The following PCDHA6 variants were observed in gnomAD, a reference collection of about 807,000 sequenced individuals.
The protein encoded by PCDHA6 is protocadherin alpha-6.
In PCDHA6, 55 loss-of-function variants were observed where a neutral mutation model predicts 60.3. The observed-to-expected ratio is 0.91, with a 90% CI of 0.73 to 1.14. The LOEUF is 1.14. Among genes scored for constraint, PCDHA6 ranks in the 50% most tolerant of loss-of-function variants. PCDHA6 has a pLI of 0.00. For missense variants in PCDHA6, 1,327 were observed against 1,256.5 expected (o/e 1.06, Z -0.85); for synonymous variants, 652 against 557.9 (o/e 1.17, Z -2.38).
chr5:141,010,202 G>A lies in PCDHA6; in HGVS notation c.*265G>A, dbSNP rs1354578914. The A allele has an allele frequency of 2.5e-5, 39 of 1,551,826 alleles. No homozygotes were observed. The highest frequency in any genetic ancestry group is 3.1e-5 in the Non-Finnish European group (36 of 1,147,058). On this transcript the variant is annotated 3_prime_UTR_variant, in exon 4 of 4. Transcript: ENST00000529310. ...CAGACCCAAGTTTCCTTTCTCCTCCGCCGCAAAGGAGAGGCTTCCCAGCCC... is the reference window on the plus strand; with the variant it reads ...CAGACCCAAGTTTCCTTTCTCCTCCACCGCAAAGGAGAGGCTTCCCAGCCC...
intron 1 of PCDHA6, among the ~76,000 whole-genome samples, chr5:140,896,034 C>T (rs2065325543): frequency 6.6e-6 from 1 of 152,192 alleles, no homozygotes; most frequent in South Asian, 2.1e-4. Flanking sequence ...TGGTCTCGAA[C>T]TCCTGACCTC....
intron 1 of PCDHA6, chr5:140,855,842 A>G (rs1384044109): frequency 2.0e-5 from 13 of 639,106 alleles, no homozygotes; most frequent in Non-Finnish European, 3.4e-5. Flanking sequence ...ACTTACACCT[A>G]AAGCCACCGG....
intron 1 of PCDHA6, among the ~76,000 whole-genome samples, chr5:140,909,844 C>T (rs572833280): frequency 7.9e-5 from 12 of 152,276 alleles, no homozygotes; most frequent in African/African-American, 2.4e-4. Context: ...ACCACCAGGA[C>T]GTTTTCGGTC....
chr5:140,899,102 G>A (rs1156372420), intron 1 of PCDHA6, among the ~76,000 whole-genome samples: 1 of 152,066 alleles, frequency 6.6e-6, no homozygotes, highest in Non-Finnish European at 1.5e-5. Flanking sequence ...TGAGATAATG[G>A]GGTTTTCTAG....
chr5:140,900,127 T>A (rs528737566), intron 1 of PCDHA6, among the ~76,000 whole-genome samples: 2 of 152,328 alleles, frequency 1.3e-5, no homozygotes, highest in East Asian at 3.9e-4. Flanking sequence ...GATTTTTAGG[T>A]ACCACAAATA....
chr5:140,883,294 T>A (rs782475623), intron 1 of PCDHA6: 6 of 1,613,956 alleles, frequency 3.7e-6, no homozygotes, highest in Non-Finnish European at 4.2e-6. Context: ...AAGTACTAGA[T>A]GTAAATGATA....
chr5:140,875,981 A>G lies in PCDHA6; in HGVS notation c.2394+45496A>G, dbSNP rs200521027. 1.0e-3 allele frequency: 1,684 copies of G among 1,614,052 alleles called. 3 individuals are homozygous for G. Among genetic ancestry groups the G allele is most frequent in the Admixed American group, 1.5e-3 (93 of 60,032 alleles). ...ATCGGCGTAAACTCTCTTTTGACCT[A>G]TGCGTTAAGTCTAAATGAGAATTTT... On this transcript the variant is annotated intron_variant, in intron 1 of 3. Transcript: ENST00000529310.
rs2150150288 is a variant in PCDHA6 at position 140,828,039 on chromosome 5, T to G, written c.-53T>G. 212 of 1,539,464 alleles carry G rather than the reference T, an allele frequency of 1.4e-4. 1 individual carries two copies. Among genetic ancestry groups the G allele is most frequent in the Non-Finnish European group, 1.8e-4 (207 of 1,145,996 alleles). ...TAATAAATTCCGGAACATACAGTAT[T>G]TTATCTTTATGCGGAAGATCTTCTA... On this transcript the variant is annotated 5_prime_UTR_variant, in exon 1 of 4. The change creates a new upstream start codon in the 5' untranslated region. Coordinates refer to ENST00000529310, the MANE Select transcript of PCDHA6 (RefSeq NM_018909.4).
intron 3 of PCDHA6, among the ~76,000 whole-genome samples, chr5:141,005,605 G>A (rs1366861614): frequency 7.3e-5 from 11 of 150,146 alleles, no homozygotes; most frequent in African/African-American, 2.7e-4. Context: ...AGGAGGCTGA[G>A]GCAGGAGAAT....
At chr5:140,988,571 C>T (rs1438476188) in intron 3 of PCDHA6, among the ~76,000 whole-genome samples, 7 of 152,168 alleles carry the variant, frequency 4.6e-5, no homozygotes, top group Non-Finnish European at 1.0e-4. Flanking sequence ...TGGGAAAACA[C>T]TCTGTACCTT....
At chr5:140,969,297 T>C in intron 1 of PCDHA6, 2 of 1,614,200 alleles carry the variant, frequency 1.2e-6, no homozygotes, top group Non-Finnish European at 1.7e-6. Context: ...GGGAACCTGA[T>C]TATTCTCAAA....
chr5:140,984,692 C>T (rs1252057323), intron 3 of PCDHA6, among the ~76,000 whole-genome samples: 2 of 152,130 alleles, frequency 1.3e-5, no homozygotes, highest in Non-Finnish European at 2.9e-5. Context: ...ATATGTTCTG[C>T]ACTGCTTGGA....
chr5:140,903,275 T>G (rs1313552617), intron 1 of PCDHA6, among the ~76,000 whole-genome samples: 1 of 152,210 alleles, frequency 6.6e-6, no homozygotes, highest in East Asian at 1.9e-4. Context: ...TGAGGTAGTG[T>G]CTCATTGTGC....
At chr5:140,970,815 A>G (rs782758365) in intron 1 of PCDHA6, among the ~76,000 whole-genome samples, 2 of 152,114 alleles carry the variant, frequency 1.3e-5, no homozygotes, top group Non-Finnish European at 2.9e-5. Flanking sequence ...TTTCAAGTTC[A>G]TGGTAATCTT....
intron 1 of PCDHA6, among the ~76,000 whole-genome samples, chr5:140,839,341 G>T (rs1301082708): frequency 6.6e-6 from 1 of 150,686 alleles, no homozygotes; most frequent in African/African-American, 2.5e-5. Context: ...AGTTGATAGG[G>T]GATCCTCCTT....
chr5:140,875,553 G>A (rs1447542979), intron 1 of PCDHA6: 4 of 1,614,000 alleles, frequency 2.5e-6, no homozygotes, highest in African/African-American at 2.7e-5. Flanking sequence ...GGGAGGTGGG[G>A]AGCGGCCAGC....
At chr5:140,878,099 C>T (rs1270449354) in intron 1 of PCDHA6, 2 of 277,184 alleles carry the variant, frequency 7.2e-6, no homozygotes, top group Non-Finnish European at 1.3e-5. Flanking sequence ...GACTGATGAA[C>T]CTTGAAAAAA....
At chr5:140,831,893 T>C (rs1326674462) in intron 1 of PCDHA6, among the ~76,000 whole-genome samples, 2 of 152,204 alleles carry the variant, frequency 1.3e-5, no homozygotes, top group African/African-American at 4.8e-5. Flanking sequence ...TAACTGTGTT[T>C]GCCAAATAGC....
chr5:140,829,759 G>A lies in PCDHA6; in HGVS notation c.1668G>A (p.Leu556=). The A allele has an allele frequency of 6.2e-7, 1 of 1,613,768 alleles. No homozygotes were observed. The highest frequency in any genetic ancestry group is 8.5e-7 in the Non-Finnish European group (1 of 1,179,882). Reference sequence around the variant, plus strand: ...ACGTGACGCTGCAGGTGTTCGTGCTGGACGAGAACGACAACGCGCCGGCGC... The same window carrying A: ...ACGTGACGCTGCAGGTGTTCGTGCTAGACGAGAACGACAACGCGCCGGCGC... ...GSNVTLQVFV[L]DENDNAPALL... The change falls in exon 1 of 4, where the codon CTG becomes CTA. Residue 556 remains leucine (L), a synonymous_variant. Transcript: ENST00000529310.
Sources: gnomAD v4.1 joint callset for allele counts (sites outside exome capture counted in the v4.1 genomes callset) on GRCh38, gnomAD v4.1.1 for gene constraint, MANE v1.5 for transcripts, NCBI Gene and HGNC (gene_info 2026-07-23, HGNC 2026-07-21) for gene names.